RPH3A: variants seen among roughly 807,000 people sequenced by gnomAD.
RPH3A encodes the protein rabphilin 3A.
In RPH3A, 48 loss-of-function variants were observed where a neutral mutation model predicts 102.2. That is an observed-to-expected ratio of 0.47 (90% CI 0.37 to 0.60). The LOEUF is 0.60. Among genes scored for constraint, RPH3A ranks in the 20% least tolerant of loss-of-function variants. RPH3A has a pLI of 0.00. For synonymous variants in RPH3A, 310 were observed against 324.3 expected, an observed-to-expected ratio of 0.96 and a Z score of 0.47; for missense variants, 781 against 910.1, an observed-to-expected ratio of 0.86 and a Z score of 1.83.
At chr12:112,856,820 C>T (rs977261842) in intron 5 of RPH3A, among the ~76,000 whole-genome samples, 7 of 152,194 alleles carry the variant, frequency 4.6e-5, no homozygotes, top group African/African-American at 1.4e-4. Flanking sequence ...CAAACACTAT[C>T]TCATTTTATC....
chr12:112,720,042 C>T (rs562525455), intron 1 of RPH3A, among the ~76,000 whole-genome samples: 13 of 152,352 alleles, frequency 8.5e-5, no homozygotes, highest in African/African-American at 3.1e-4. Context: ...TCTGTCCCCA[C>T]AACATATTTC....
chr12:112,631,515 A>G (rs906843338), intron 1 of RPH3A, among the ~76,000 whole-genome samples: 3 of 151,944 alleles, frequency 2.0e-5, no homozygotes, highest in African/African-American at 7.3e-5. Flanking sequence ...TTATTTTCTT[A>G]TTAAAAATTT....
chr12:112,634,761 T>A (rs1460672526), intron 1 of RPH3A, among the ~76,000 whole-genome samples: 2 of 152,146 alleles, frequency 1.3e-5, no homozygotes, highest in Admixed American at 1.3e-4. Context: ...GGATCCTCTT[T>A]TCCATCTTTT....
chr12:112,759,654 A>T (rs997290784), intron 1 of RPH3A, among the ~76,000 whole-genome samples: 2 of 152,174 alleles, frequency 1.3e-5, no homozygotes, highest in African/African-American at 4.8e-5. Context: ...CCCTAACTCC[A>T]AAAGGTGAGA....
intron 1 of RPH3A, among the ~76,000 whole-genome samples, chr12:112,600,345 C>T (rs2039548923): frequency 6.6e-6 from 1 of 152,154 alleles, no homozygotes; most frequent in African/African-American, 2.4e-5. Context: ...TTCATTATTA[C>T]CGATAACAAC....
intron 1 of RPH3A, among the ~76,000 whole-genome samples, chr12:112,716,415 C>T (rs141034517): frequency 1.3e-5 from 2 of 152,316 alleles, no homozygotes; most frequent in East Asian, 1.9e-4. Context: ...AGTTAGAGTC[C>T]TGGTTTGCCT....
At chr12:112,740,152 G>A (rs1418121311) in intron 1 of RPH3A, among the ~76,000 whole-genome samples, 1 of 152,042 alleles carries the variant, frequency 6.6e-6, no homozygotes, top group Non-Finnish European at 1.5e-5. Context: ...TTTTAGCCTT[G>A]ATTTCCCTAT....
chr12:112,711,334 C>A (rs2040460014), intron 1 of RPH3A, among the ~76,000 whole-genome samples: 1 of 152,122 alleles, frequency 6.6e-6, no homozygotes, highest in African/African-American at 2.4e-5. Flanking sequence ...GTGCTGCAAT[C>A]CTGGGCCTCC....
intron 7 of RPH3A, among the ~76,000 whole-genome samples, chr12:112,867,542 C>T (rs931492780): frequency 6.6e-6 from 1 of 152,132 alleles, no homozygotes; most frequent in African/African-American, 2.4e-5. Context: ...AAGGTCCGGG[C>T]AGAACTAAGA....
intron 10 of RPH3A, among the ~76,000 whole-genome samples, chr12:112,873,613 C>T (rs2042743314): frequency 6.6e-6 from 1 of 152,214 alleles, no homozygotes; most frequent in Admixed American, 6.5e-5. Flanking sequence ...GTGATTTACA[C>T]ATTCAACAAG....
chr12:112,690,488 G>A (rs1445410795), intron 1 of RPH3A, among the ~76,000 whole-genome samples: 3 of 152,200 alleles, frequency 2.0e-5, no homozygotes, highest in East Asian at 3.8e-4. Flanking sequence ...TTACCAAGAT[G>A]TATTAAGGGA....
At chr12:112,801,501 T>A (rs1407063665) in intron 2 of RPH3A, among the ~76,000 whole-genome samples, 2 of 152,224 alleles carry the variant, frequency 1.3e-5, no homozygotes, top group South Asian at 2.1e-4. Flanking sequence ...ATCTGAACGA[T>A]GGATAAGTGC....
chr12:112,807,308 C>T (rs1001838719), intron 2 of RPH3A, among the ~76,000 whole-genome samples: 4 of 152,030 alleles, frequency 2.6e-5, no homozygotes, highest in African/African-American at 4.8e-5. Context: ...CAGGCTGAGC[C>T]CTCCACCCTC....
intron 1 of RPH3A, among the ~76,000 whole-genome samples, chr12:112,765,128 A>C (rs2040879239): frequency 6.6e-6 from 1 of 151,490 alleles, no homozygotes. Context: ...TTCATCAAAC[A>C]CTCCTGCTGC....
intron 1 of RPH3A, among the ~76,000 whole-genome samples, chr12:112,675,713 G>A (rs1358504843): frequency 6.6e-6 from 1 of 152,142 alleles, no homozygotes; most frequent in Non-Finnish European, 1.5e-5. Flanking sequence ...TATCTGAAGG[G>A]CTGAAATTTT....
At chr12:112,857,483 G>A (rs1023217836) in intron 5 of RPH3A, among the ~76,000 whole-genome samples, 3 of 152,138 alleles carry the variant, frequency 2.0e-5, no homozygotes, top group African/African-American at 7.2e-5. Flanking sequence ...TCAGAGTCAC[G>A]GAGAGATTAA....
At chr12:112,843,204 C>T (rs1412264915) in intron 4 of RPH3A, among the ~76,000 whole-genome samples, 2 of 152,186 alleles carry the variant, frequency 1.3e-5, no homozygotes, top group African/African-American at 2.4e-5. Context: ...CGCTCCTCGA[C>T]TCAGGAAGAC....
Position 112,887,691 on chromosome 12 carries a change from A to C in RPH3A, c.1437-106A>C. On this transcript the variant is annotated intron_variant, in intron 16 of 21. Coordinates refer to ENST00000389385, the MANE Select transcript of RPH3A (RefSeq NM_001143854.2). ...ATAAACAGGAAATCATATTATTTCC[A>C]CATACATTACACATTCCTTACCAGT... is the stretch of plus-strand genomic sequence containing the variant. 5.0e-6 allele frequency: 6 copies of C among 1,211,308 alleles called. No homozygotes were observed. The South Asian group carries it at 8.9e-5, about 18-fold the overall frequency. 75.0% of individuals were successfully genotyped at this position (1,211,308 alleles called of 1,614,324 possible).
intron 1 of RPH3A, among the ~76,000 whole-genome samples, chr12:112,614,542 T>G (rs1401901649): frequency 7.4e-6 from 1 of 135,012 alleles, no homozygotes. Context: ...AAAAGCAAAA[T>G]ACGGGCATGG....
Sources: allele counts gnomAD v4.1 joint callset (sites outside exome capture counted in the v4.1 genomes callset), GRCh38; gene constraint gnomAD v4.1.1; transcripts MANE v1.5; gene names NCBI Gene and HGNC (gene_info 2026-07-23, HGNC 2026-07-21).